MTOR: variants seen among roughly 807,000 people sequenced by gnomAD.
MTOR encodes the protein mechanistic target of rapamycin kinase, also known as serine/threonine-protein kinase mTOR.
In MTOR, 70 loss-of-function variants were observed where a neutral mutation model predicts 319.8. The observed-to-expected ratio is 0.22, with a 90% CI of 0.18 to 0.27. The LOEUF (loss-of-function observed/expected upper bound fraction) is 0.27, where lower values mean the gene tolerates loss of function less well. Among genes scored for constraint, MTOR ranks in the 10% least tolerant of loss-of-function variants. The pLI is 1.00. For missense variants in MTOR, 1,890 were observed against 3,274.4 expected, an observed-to-expected ratio of 0.58 and a Z score of 10.32; for synonymous variants, 1,183 against 1,211.4, an observed-to-expected ratio of 0.98 and a Z score of 0.49.
intron 28 of MTOR, among the ~76,000 whole-genome samples, chr1:11,172,241 C>T (rs969637308): frequency 1.3e-5 from 2 of 152,010 alleles, no homozygotes; most frequent in Non-Finnish European, 2.9e-5. Context: ...TCTTATTGAG[C>T]AGTAAGAACA....
chr1:11,217,633 G>A lies in MTOR; in HGVS notation c.3031-1399C>T, dbSNP rs146886722. On this transcript the variant is annotated intron_variant, in intron 19 of 57. Transcript: ENST00000361445. ...TCACCGTGTTAGCCAGGATGGTCTC[G>A]CTCTCTTGACTTCATGATCCGCCCG... 7.6e-3 allele frequency among the ~76,000 whole-genome samples: 1,140 copies of A among 149,166 alleles called. 19 individuals carry two copies. Among genetic ancestry groups the A allele is most frequent in the African/African-American group, 0.026 (1,061 of 40,424 alleles).
rs188577406 is a variant in MTOR at position 11,124,829 on chromosome 1, T to C, written c.6527-196A>G. Among the ~76,000 whole-genome samples the C allele has an allele frequency of 6.3e-4, 96 of 152,376 alleles. 1 individual carries two copies. Among genetic ancestry groups the C allele is most frequent in the Non-Finnish European group, 9.8e-4 (67 of 68,038 alleles). On this transcript the variant is annotated intron_variant, in intron 46 of 57. Transcript: ENST00000361445. The stretch of plus-strand genomic sequence containing the variant: ...TTTTATGGTTCTCAATGACCAGTGT[T>C]GTTCAAATTAAAACAAAACAAAATC...
intron 53 of MTOR, 104 bp downstream of exon 53, chr1:11,114,214 C>A: frequency 6.9e-7 from 1 of 1,447,268 alleles, no homozygotes; most frequent in South Asian, 1.3e-5. Flanking sequence ...AGGCTGGTCT[C>A]GAACTCCTGG....
At chr1:11,154,698 A>G (rs1644263085) in intron 30 of MTOR, among the ~76,000 whole-genome samples, 2 of 152,174 alleles carry the variant, frequency 1.3e-5, no homozygotes, top group Admixed American at 6.5e-5. Context: ...AATTTAAAAA[A>G]ATTAGCCAGG....
chr1:11,157,125 C>A (rs2100566456), intron 30 of MTOR, 27 bp downstream of exon 30: 1 of 1,571,882 alleles, frequency 6.4e-7, no homozygotes, highest in African/African-American at 1.4e-5. Flanking sequence ...CTTGCAGCCA[C>A]ACATGCCATC....
chr1:11,256,993 C>T lies in MTOR; in HGVS notation c.444G>A (p.Glu148=), dbSNP rs571699240. 6.2e-7 allele frequency: 1 copy of T among 1,614,122 alleles called. No homozygotes were observed. The highest frequency in any genetic ancestry group is 1.3e-5 in the African/African-American group (1 of 75,046). Residue 148 remains glutamate (E), a synonymous_variant, in exon 4 of 58, where the codon GAG becomes GAA. Coordinates refer to ENST00000361445, the MANE Select transcript of MTOR (RefSeq NM_004958.4). ...CCAGCCATTCCAGGGCTCGCTTCAC[C>T]TCAAATTCCACGTACTCAGCGGTAA... The part of the protein sequence containing the change: ...DTFTAEYVEF[E]VKRALEWLGA...
At position 11,254,040 on chromosome 1, in the gene MTOR, C is replaced by T. The variant is rs1650043193; in HGVS notation, c.706-67G>A. The T allele has an allele frequency of 2.5e-6, 4 of 1,587,714 alleles. No individual in the cohort carries two copies. In the East Asian group the frequency reaches 9.0e-5, roughly 36 times the overall value. On this transcript the variant is annotated intron_variant, in intron 5 of 57. Coordinates refer to ENST00000361445, the MANE Select transcript of MTOR (RefSeq NM_004958.4). ...AAACCCAGAAAGAATACAGGCCCAT[C>T]CCATCTACACTGGGGGTTCTGAGGT... is the stretch of plus-strand genomic sequence containing the variant.
chr1:11,202,462 ATTTT>A (rs530484103), intron 26 of MTOR, among the ~76,000 whole-genome samples: 56 of 149,664 alleles, frequency 3.7e-4, no homozygotes, highest in African/African-American at 1.2e-3. Flanking sequence ...TTAAAACAAT[ATTTT>A]TTTTGGCGGG....
At chr1:11,178,178 GTT>G in intron 28 of MTOR, among the ~76,000 whole-genome samples, 1 of 152,312 alleles carries the variant, frequency 6.6e-6, no homozygotes. Context: ...TCCTGCAGAA[GTT>G]TACAAAGTCA....
chr1:11,260,814 G>T (rs1651015648), intron 1 of MTOR, among the ~76,000 whole-genome samples: 2 of 140,802 alleles, frequency 1.4e-5, no homozygotes, highest in Admixed American at 7.4e-5. Flanking sequence ...TTTTGAGACA[G>T]AGTCTCGCTC....
chr1:11,226,447 A>G (rs1646841309), intron 19 of MTOR: 1 of 152,246 alleles, frequency 6.6e-6, no homozygotes, highest in African/African-American at 2.4e-5. Context: ...CAGCAGTCCC[A>G]TTAAAATCAG....
chr1:11,183,137 C>T (rs1162325969), intron 28 of MTOR, among the ~76,000 whole-genome samples: 4 of 152,152 alleles, frequency 2.6e-5, no homozygotes, highest in African/African-American at 9.7e-5. Context: ...CTATTTTCAG[C>T]CTTTTCCATT....
chr1:11,106,850 G>C lies in MTOR; in HGVS notation c.*635C>G. The stretch of plus-strand genomic sequence containing the variant: ...GCTCAGCCGAGGCTGCCAGCGATCT[G>C]AATAAACCTCCCTACTAGCGGTCAG... On this transcript the variant is annotated 3_prime_UTR_variant, in exon 58 of 58. Coordinates refer to ENST00000361445, the MANE Select transcript of MTOR (RefSeq NM_004958.4). The C allele has an allele frequency of 7.5e-7, 1 of 1,326,960 alleles. No individual in the cohort carries two copies. Among genetic ancestry groups the C allele is most frequent in the South Asian group, 1.4e-5 (1 of 72,986 alleles). The allele number at this position is 1,326,960 out of a possible 1,614,324, so 82.2% of individuals were successfully genotyped here.
At chr1:11,176,026 G>T (rs1167503296) in intron 28 of MTOR, among the ~76,000 whole-genome samples, 1 of 152,168 alleles carries the variant, frequency 6.6e-6, no homozygotes, top group East Asian at 1.9e-4. Context: ...GGGATTACAG[G>T]CATGAGCCAC....
intron 52 of MTOR, 56 bp downstream of exon 52, chr1:11,114,757 A>G (rs1255137077): frequency 6.5e-7 from 1 of 1,539,096 alleles, no homozygotes; most frequent in East Asian, 2.2e-5. Context: ...TGTTCTCAGA[A>G]GGCTGTAACT....
intron 28 of MTOR, among the ~76,000 whole-genome samples, chr1:11,191,910 C>G (rs1273955048): frequency 6.6e-6 from 1 of 152,168 alleles, no homozygotes; most frequent in Non-Finnish European, 1.5e-5. Context: ...TCTAAGAAGT[C>G]TGAATCTATC....
intron 34 of MTOR, among the ~76,000 whole-genome samples, chr1:11,141,565 T>G (rs1222166346): frequency 6.6e-6 from 1 of 151,912 alleles, no homozygotes; most frequent in East Asian, 2.0e-4. Flanking sequence ...TACGGGGTTT[T>G]GCTATGTTGG....
chr1:11,137,284 G>A (rs1033940534), intron 36 of MTOR, among the ~76,000 whole-genome samples: 16 of 151,896 alleles, frequency 1.1e-4, no homozygotes, highest in African/African-American at 3.6e-4. Context: ...TCTGATGGTA[G>A]GTGCTTTTCA....
intron 30 of MTOR, among the ~76,000 whole-genome samples, chr1:11,153,442 A>G (rs1307645548): frequency 6.6e-6 from 1 of 152,262 alleles, no homozygotes; most frequent in African/African-American, 2.4e-5. Flanking sequence ...TGTAAATCCA[A>G]TGGCAACAGT....
Sources: allele counts gnomAD v4.1 joint callset (sites outside exome capture counted in the v4.1 genomes callset), GRCh38; gene constraint gnomAD v4.1.1; transcripts MANE v1.5; gene names NCBI Gene and HGNC (gene_info 2026-07-23, HGNC 2026-07-21).